PLPPR4: variants seen among roughly 807,000 people sequenced by gnomAD.
PLPPR4 encodes the protein phospholipid phosphatase-related protein type 4.
PLPPR4 carries 24 observed loss-of-function variants against 56.6 expected under a neutral mutation model. The ratio of observed to expected loss-of-function variants is 0.42; its 90% CI spans 0.31 to 0.60. The LOEUF (loss-of-function observed/expected upper bound fraction) is 0.60, where lower values mean the gene tolerates loss of function less well. PLPPR4 is among the 20% of genes least tolerant of loss of function. The probability of loss-of-function intolerance (pLI) is 0.13; values close to 1 mark genes in which losing one functional copy is unlikely to be tolerated. For missense variants in PLPPR4, 654 were observed against 885.8 expected (o/e 0.74, Z 3.32); for synonymous variants, 326 against 328.1 (o/e 0.99, Z 0.07).
chr1:99,301,247 T>A (rs542980562), intron 5 of PLPPR4, among the ~76,000 whole-genome samples: 2 of 151,972 alleles, frequency 1.3e-5, no homozygotes, highest in South Asian at 4.1e-4. Context: ...ATTATAGGAA[T>A]GTTACAAAAC....
upstream of PLPPR4, among the ~76,000 whole-genome samples, chr1:99,263,607 T>C (rs1055123966): frequency 4.6e-5 from 7 of 152,180 alleles, no homozygotes; most frequent in African/African-American, 1.7e-4. Context: ...CTTTCTCTCT[T>C]CTATATCAAC....
intron 6 of PLPPR4, 112 bp from the exon 7 acceptor site, chr1:99,305,573 C>A: frequency 1.0e-6 from 1 of 963,166 alleles, no homozygotes; most frequent in Non-Finnish European, 1.6e-6. Flanking sequence ...TTGTACTAGT[C>A]AATGGTGTAT....
chr1:99,305,215 C>T (rs1361495611), intron 6 of PLPPR4, among the ~76,000 whole-genome samples: 4 of 152,048 alleles, frequency 2.6e-5, no homozygotes, highest in Non-Finnish European at 4.4e-5. Context: ...AACCAGATAT[C>T]ATTTTTTATA....
chr1:99,294,677 C>G (rs1301280057), intron 2 of PLPPR4, among the ~76,000 whole-genome samples: 3 of 141,368 alleles, frequency 2.1e-5, no homozygotes, highest in Non-Finnish European at 4.5e-5. Context: ...GCCTGGCCTG[C>G]AGAGCAAGAC....
At chr1:99,282,603 C>T (rs1375850209) in intron 1 of PLPPR4, among the ~76,000 whole-genome samples, 1 of 152,114 alleles carries the variant, frequency 6.6e-6, no homozygotes, top group Non-Finnish European at 1.5e-5. Context: ...TTGTAAAATA[C>T]ATTTCAAATC....
intron 5 of PLPPR4, 144 bp downstream of exon 5, chr1:99,301,110 A>T: frequency 1.4e-6 from 1 of 692,454 alleles, no homozygotes; most frequent in East Asian, 2.6e-5. Flanking sequence ...ATACAATGGC[A>T]TCCAAAGCAG....
In PLPPR4 at chr1:99,306,904, G is replaced by A. The variant is rs751443691; in HGVS notation, c.2042G>A (p.Arg681Gln). 5 of 1,613,932 alleles carry A rather than the reference G, an allele frequency of 3.1e-6. No individual in the cohort carries two copies. The highest frequency in any genetic ancestry group is 2.7e-5 in the African/African-American group (2 of 74,878). ...TCTTCTTCCCGCGACTCCACCCTGC[G>A]GAGAAAGGGCAATATCATTCTAATC... ...SISSSRDSTL[R>Q]RKGNIILIPE... Residue 681 changes from arginine to glutamine, a missense_variant, in exon 7 of 7, where the codon CGG becomes CAG. Physicochemically the swap from Arg to Gln is conservative, Grantham distance 43 (BLOSUM62 1). Transcript: ENST00000370185. The surrounding 1 kb of genome is among the most constrained non-coding windows in gnomAD (Gnocchi z 4.0).
At chr1:99,289,012 A>G (rs1049688628) in intron 2 of PLPPR4, among the ~76,000 whole-genome samples, 8 of 152,180 alleles carry the variant, frequency 5.3e-5, no homozygotes, top group Non-Finnish European at 7.4e-5. Context: ...ATGTGTTAAT[A>G]TACATTGTGA....
Position 99,308,037 on chromosome 1 carries a change from A to G in PLPPR4, c.*1027A>G, listed in dbSNP as rs1197748615. Reference sequence around the variant, plus strand: ...GCCAAAACTTGACATTGTGGGTTACATTGCCAGAAATGTTGGTCAAGTTTG... The same window carrying G: ...GCCAAAACTTGACATTGTGGGTTACGTTGCCAGAAATGTTGGTCAAGTTTG... On this transcript the variant is annotated 3_prime_UTR_variant, in exon 7 of 7. Coordinates refer to ENST00000370185, the MANE Select transcript of PLPPR4 (RefSeq NM_014839.5). 1 of 152,222 alleles carries G rather than the reference A, an allele frequency of 6.6e-6. No individual in the cohort carries two copies. Among genetic ancestry groups the G allele is most frequent in the Non-Finnish European group, 1.5e-5 (1 of 68,032 alleles). The allele number at this position is 152,222 out of a possible 1,614,324, so 9.4% of individuals were successfully genotyped here.
Position 99,306,198 on chromosome 1 carries a change from C to T in PLPPR4, c.1336C>T (p.His446Tyr), listed in dbSNP as rs753866008. 6.2e-7 allele frequency: 1 copy of T among 1,614,066 alleles called. No individual in the cohort carries two copies. Among genetic ancestry groups the T allele is most frequent in the Admixed American group, 1.7e-5 (1 of 60,008 alleles). ...ATCGAGGGTAGGGGTGAATGGAGAC[C>T]ACCATGGTCCTGGCAATCAGTACCT... is the stretch of plus-strand genomic sequence containing the variant. The part of the protein sequence containing the change: ...EPSRVGVNGD[H>Y]HGPGNQYLKI... Residue 446 changes from histidine to tyrosine, a missense_variant, in exon 7 of 7, where the codon CAC becomes TAC. Around this residue, in one of 2 missense-constraint regions of PLPPR4, gnomAD observed 468 missense variants for 554.3 expected, o/e 0.84. Transcript: ENST00000370185. The surrounding 1 kb of genome is among the most constrained non-coding windows in gnomAD (Gnocchi z 4.0).
intron 6 of PLPPR4, among the ~76,000 whole-genome samples, chr1:99,305,443 A>C (rs1659997940): frequency 6.6e-6 from 1 of 152,206 alleles, no homozygotes; most frequent in African/African-American, 2.4e-5. Flanking sequence ...AGATAGACAA[A>C]AACATCCAGT....
intron 6 of PLPPR4, among the ~76,000 whole-genome samples, chr1:99,304,292 A>G (rs914501924): frequency 6.6e-6 from 1 of 152,186 alleles, no homozygotes; most frequent in Non-Finnish European, 1.5e-5. Context: ...AACACACTGT[A>G]GGATTTTGTA....
chr1:99,291,350 T>G (rs1463665190), intron 2 of PLPPR4, among the ~76,000 whole-genome samples: 1 of 152,176 alleles, frequency 6.6e-6, no homozygotes, highest in Non-Finnish European at 1.5e-5. Context: ...GTTCAACCAT[T>G]GTGAAAGACA....
intron 3 of PLPPR4, among the ~76,000 whole-genome samples, chr1:99,297,915 A>G (rs1659782932): frequency 6.6e-6 from 1 of 152,164 alleles, no homozygotes; most frequent in African/African-American, 2.4e-5. Context: ...ATTCTACCCT[A>G]GAGAACAATG....
chr1:99,294,104 A>AG (rs919278357), intron 2 of PLPPR4, among the ~76,000 whole-genome samples: 8 of 151,954 alleles, frequency 5.3e-5, no homozygotes, highest in African/African-American at 1.9e-4. Context: ...CATTCAAAAA[A>AG]AAAAAAGGAG....
At chr1:99,272,505 G>A (rs1018292971) in intron 1 of PLPPR4, among the ~76,000 whole-genome samples, 2 of 152,252 alleles carry the variant, frequency 1.3e-5, no homozygotes, top group East Asian at 1.9e-4. Context: ...TGCGCTGGCT[G>A]TTTGTGCTAA....
At chr1:99,281,691 G>A (rs1019542817) in intron 1 of PLPPR4, among the ~76,000 whole-genome samples, 54 of 152,050 alleles carry the variant, frequency 3.6e-4, no homozygotes, top group Non-Finnish European at 6.3e-4. Flanking sequence ...TCTTCTTCAT[G>A]GCTACAGGCT....
intron 6 of PLPPR4, among the ~76,000 whole-genome samples, chr1:99,304,904 G>C (rs1659979620): frequency 6.6e-6 from 1 of 152,094 alleles, no homozygotes; most frequent in South Asian, 2.1e-4. Context: ...TAATGATTTT[G>C]AGTCTGAACT....
At chr1:99,266,438 T>C (rs1471900870) in intron 1 of PLPPR4, among the ~76,000 whole-genome samples, 1 of 152,258 alleles carries the variant, frequency 6.6e-6, no homozygotes, top group Non-Finnish European at 1.5e-5. Flanking sequence ...TGGGCGCTTT[T>C]GAGGCATCTT....
Sources: gnomAD v4.1 joint callset for allele counts (sites outside exome capture counted in the v4.1 genomes callset) on GRCh38, gnomAD v4.1.1 for gene constraint, gnomAD v4.1.1 regional missense constraint, Gnocchi (gnomAD v3.1) non-coding constraint, MANE v1.5 for transcripts, NCBI Gene and HGNC (gene_info 2026-07-23, HGNC 2026-07-21) for gene names.